SLC2A9: variants seen among roughly 807,000 people sequenced by gnomAD.
The protein encoded by SLC2A9 is solute carrier family 2, facilitated glucose transporter member 9.
A neutral mutation model predicts 50.6 loss-of-function variants in SLC2A9; 39 were observed. The ratio of observed to expected loss-of-function variants is 0.77; its 90% CI spans 0.60 to 1.01. The LOEUF (loss-of-function observed/expected upper bound fraction) is 1.01, where lower values mean the gene tolerates loss of function less well. Ranked by LOEUF, SLC2A9 falls within the 50% of genes least tolerant of loss-of-function variation. SLC2A9 has a pLI of 0.00. For missense variants in SLC2A9, 686 were observed against 677.6 expected, an observed-to-expected ratio of 1.01 and a Z score of -0.14; for synonymous variants, 324 against 276.9, an observed-to-expected ratio of 1.17 and a Z score of -1.69.
chr4:9,911,580 C>T lies in SLC2A9; in HGVS notation c.1003-3235G>A, dbSNP rs184663216. 2.7e-3 allele frequency among the ~76,000 whole-genome samples: 407 copies of T among 152,340 alleles called. 6 individuals are homozygous for T. Among genetic ancestry groups the T allele is most frequent in the African/African-American group, 9.5e-3 (394 of 41,586 alleles). On this transcript the variant is annotated intron_variant, in intron 7 of 11. Coordinates refer to ENST00000264784, the MANE Select transcript of SLC2A9 (RefSeq NM_020041.3). ...TCTCGCAGGTTGCCCCTAGCCTCCC[C>T]GTGCAGCGTGGCAGGAGCAGCAGTT...
At chr4:10,033,015 C>T (rs1051407149) in intron 1 of SLC2A9, among the ~76,000 whole-genome samples, 2 of 152,170 alleles carry the variant, frequency 1.3e-5, no homozygotes, top group East Asian at 1.9e-4. Flanking sequence ...GTTCACTAAA[C>T]CTTAGTCCTC....
At chr4:9,882,475 G>A (rs183423876) in intron 10 of SLC2A9, among the ~76,000 whole-genome samples, 2 of 152,078 alleles carry the variant, frequency 1.3e-5, no homozygotes, top group African/African-American at 2.4e-5. Flanking sequence ...ATAAGAGGCC[G>A]AGGCAGGCGG....
intron 2 of SLC2A9, among the ~76,000 whole-genome samples, chr4:10,004,339 C>T (rs1760390104): frequency 6.6e-6 from 1 of 152,182 alleles, no homozygotes; most frequent in East Asian, 1.9e-4. Flanking sequence ...TCTTCCTGGA[C>T]ATACTGCCAG....
At chr4:10,019,209 G>T in intron 1 of SLC2A9, 136 bp from the exon 2 acceptor site, 1 of 723,502 alleles carries the variant, frequency 1.4e-6, no homozygotes, top group Non-Finnish European at 2.4e-6. Flanking sequence ...TAGAGACAGA[G>T]AGAAGAGACG....
At chr4:10,015,886 T>G (rs1762529009) in intron 2 of SLC2A9, among the ~76,000 whole-genome samples, 1 of 152,188 alleles carries the variant, frequency 6.6e-6, no homozygotes, top group Non-Finnish European at 1.5e-5. Context: ...ATGCAGTACA[T>G]TTTGGCAGAG....
intron 11 of SLC2A9, among the ~76,000 whole-genome samples, chr4:9,832,266 A>G (rs1175009122): frequency 6.6e-6 from 1 of 152,048 alleles, no homozygotes; most frequent in Non-Finnish European, 1.5e-5. Flanking sequence ...GGGGGATGTG[A>G]CTCAGAACTT....
chr4:9,930,799 T>C (rs534064230), intron 6 of SLC2A9, among the ~76,000 whole-genome samples: 1 of 152,336 alleles, frequency 6.6e-6, no homozygotes, highest in South Asian at 2.1e-4. Flanking sequence ...TGTCCAAGGA[T>C]GAACGTGTTT....
intron 1 of SLC2A9, among the ~76,000 whole-genome samples, chr4:10,020,523 G>A (rs1379143808): frequency 6.6e-6 from 1 of 152,206 alleles, no homozygotes; most frequent in Non-Finnish European, 1.5e-5. Context: ...TGTAGTACCA[G>A]AATATTTTTC....
intron 2 of SLC2A9, among the ~76,000 whole-genome samples, chr4:10,004,084 G>A (rs76275868): frequency 0.028 from 4,227 of 152,304 alleles, 205 homozygotes; most frequent in African/African-American, 0.097. Context: ...CCAACTCTAA[G>A]TGTAGAAAAT....
At chr4:10,037,631 C>T (rs1405901336) in intron 1 of SLC2A9, among the ~76,000 whole-genome samples, 1 of 152,152 alleles carries the variant, frequency 6.6e-6, no homozygotes, top group African/African-American at 2.4e-5. Context: ...CTAACTTTAT[C>T]ACAAACAAAA....
Position 9,887,708 on chromosome 4 carries a change from C to A in SLC2A9, c.1216-66G>T. 4 of 1,283,792 alleles carry A rather than the reference C, an allele frequency of 3.1e-6. No homozygotes were observed. In the East Asian group the frequency reaches 8.6e-5, roughly 28 times the overall value. The allele number at this position is 1,283,792 out of a possible 1,614,324, so 79.5% of individuals were successfully genotyped here. On this transcript the variant is annotated intron_variant, in intron 9 of 11. Transcript: ENST00000264784. ...TGTGACCGGAGGACCTGAGTTCCCA[C>A]CCCAGCTCCTCCTCCATCCATCTGT...
Position 10,018,784 on chromosome 4 carries a change from G to A in SLC2A9, c.249+191C>T, listed in dbSNP as rs112740619. Reference sequence around the variant, plus strand: ...CCAGCCGCAAGAACTGTCATCCCCCGCCCCTGTCCCCGTGTCATCATTGTC... The same window carrying A: ...CCAGCCGCAAGAACTGTCATCCCCCACCCCTGTCCCCGTGTCATCATTGTC... On this transcript the variant is annotated intron_variant, in intron 2 of 11. Coordinates refer to ENST00000264784, the MANE Select transcript of SLC2A9 (RefSeq NM_020041.3). 4.9e-3 allele frequency among the ~76,000 whole-genome samples: 714 copies of A among 147,060 alleles called. 6 individuals are homozygous for A. Among genetic ancestry groups the A allele is most frequent in the African/African-American group, 0.017 (669 of 39,606 alleles).
upstream of SLC2A9, chr4:10,025,914 T>G: frequency 6.2e-7 from 1 of 1,614,160 alleles, no homozygotes; most frequent in East Asian, 2.2e-5. Context: ...CAATTTCTTT[T>G]TCGCTGAATC....
rs557703095 is a variant in SLC2A9, at chr4:9,882,896, C to T, written c.1291+4671G>A. On this transcript the variant is annotated intron_variant, in intron 10 of 11. Transcript: ENST00000264784. ...TATTAGCAGAACAATAAGGGAGAGT[C>T]CTTATATTCACAATGTTTTTAGTGG... 1.6e-4 allele frequency among the ~76,000 whole-genome samples: 24 copies of T among 152,146 alleles called. No homozygotes were observed. In the South Asian group the frequency reaches 4.4e-3, roughly 28 times the overall value.
chr4:9,951,750 A>C (rs527576853), intron 5 of SLC2A9, among the ~76,000 whole-genome samples: 10 of 152,260 alleles, frequency 6.6e-5, no homozygotes, highest in Non-Finnish European at 1.5e-4. Context: ...AAATTTTATA[A>C]ATGTTCCTCA....
At chr4:9,816,174 C>CATAAATAAATAA (rs34640947) in intron 3 of SLC2A9, among the ~76,000 whole-genome samples, 239 of 149,162 alleles carry the variant, frequency 1.6e-3, no homozygotes, top group South Asian at 5.6e-3. Context: ...TGTCTCAAAA[C>CATAAATAAATAA]ATAAATAAAT....
chr4:9,778,278 C>T (rs190387048), downstream of SLC2A9, among the ~76,000 whole-genome samples: 284 of 152,176 alleles, frequency 1.9e-3, 2 homozygotes, highest in African/African-American at 6.6e-3. Flanking sequence ...TCCCACCACG[C>T]CTGGCTAATT....
At chr4:9,920,337 C>G in intron 7 of SLC2A9, 48 bp downstream of exon 7, 1 of 1,607,168 alleles carries the variant, frequency 6.2e-7, no homozygotes, top group Non-Finnish European at 8.5e-7. Flanking sequence ...TCCCCACCCT[C>G]TGATCCCTCC....
chr4:10,034,543 C>G (rs929675404), intron 1 of SLC2A9: 1 of 152,348 alleles, frequency 6.6e-6, no homozygotes, highest in African/African-American at 2.4e-5. Context: ...GCAGCTGGAG[C>G]CTGTTGTGAG....
Sources: gnomAD v4.1 joint callset for allele counts (sites outside exome capture counted in the v4.1 genomes callset) on GRCh38, gnomAD v4.1.1 for gene constraint, MANE v1.5 for transcripts, NCBI Gene and HGNC (gene_info 2026-07-23, HGNC 2026-07-21) for gene names.